The following ORC1 variants were observed in gnomAD, a reference collection of about 807,000 sequenced individuals.
ORC1 encodes origin recognition complex, subunit 1 homolog.
Under a neutral mutation model 98.9 loss-of-function variants are expected in ORC1, and 61 were observed. That is an observed-to-expected ratio of 0.62 (90% confidence interval 0.50 to 0.76). The LOEUF (loss-of-function observed/expected upper bound fraction) is 0.76. Among genes scored for constraint, ORC1 ranks in the 30% least tolerant of loss-of-function variants. The pLI, the probability that ORC1 is intolerant of heterozygous loss-of-function variation, is 0.00. For missense variants in ORC1, 979 were observed against 1,072.2 expected (o/e 0.91, Z 1.21); for synonymous variants, 385 against 406.9 (o/e 0.95, Z 0.65).
Position 52,397,862 on chromosome 1 carries a change from G to A in ORC1, c.225C>T (p.Asp75=), listed in dbSNP as rs1304767804. The A allele has an allele frequency of 1.2e-6, 2 of 1,614,142 alleles. No homozygotes were observed. The highest frequency in any genetic ancestry group is 8.5e-7 in the Non-Finnish European group (1 of 1,179,968). ...VAKLLELFED[D]SDPPPKKRAR... is the part of the protein sequence containing the mutation. ...CACGTTTCTTAGGAGGAGGATCAGAGTCTAGAAAGAATTTGGTGGAAAGGG... is the reference window on the plus strand; with the variant it reads ...CACGTTTCTTAGGAGGAGGATCAGAATCTAGAAAGAATTTGGTGGAAAGGG... The change falls in exon 4 of 17, where the codon GAC becomes GAT. Residue 75 remains aspartate (D), a splice_region_variant and synonymous_variant. Coordinates refer to ENST00000371568, the MANE Select transcript of ORC1 (RefSeq NM_004153.4).
intron 6 of ORC1, among the ~76,000 whole-genome samples, chr1:52,389,641 A>T (rs1647185197): frequency 6.6e-6 from 1 of 152,166 alleles, no homozygotes; most frequent in African/African-American, 2.4e-5. Flanking sequence ...GCATGCATGA[A>T]TTTATTATCC....
At chr1:52,392,786 C>T (rs1001698936) in intron 6 of ORC1, among the ~76,000 whole-genome samples, 3 of 152,128 alleles carry the variant, frequency 2.0e-5, no homozygotes, top group Non-Finnish European at 4.4e-5. Context: ...GACCATTATT[C>T]TAAGTGAAGT....
At chr1:52,402,018 C>A (rs959746905) in intron 2 of ORC1, 111 bp downstream of exon 2, 3 of 830,714 alleles carry the variant, frequency 3.6e-6, no homozygotes, top group African/African-American at 1.7e-5. Context: ...CAGTTCTAAT[C>A]TCCTGTTCAT....
chr1:52,376,980 G>A (rs1483435723), intron 14 of ORC1, among the ~76,000 whole-genome samples: 4 of 152,102 alleles, frequency 2.6e-5, no homozygotes, highest in African/African-American at 7.2e-5. Flanking sequence ...ACTTGACCTT[G>A]GTGCTAGGTG....
chr1:52,405,671 G>C (rs1233768228), upstream of ORC1: 5 of 1,612,066 alleles, frequency 3.1e-6, no homozygotes, highest in African/African-American at 4.0e-5. Flanking sequence ...TATTGTTTTT[G>C]TTTTTTAGCT....
At chr1:52,395,993 C>T in intron 5 of ORC1, 53 bp downstream of exon 5, 2 of 1,612,302 alleles carry the variant, frequency 1.2e-6, no homozygotes, top group Non-Finnish European at 1.7e-6. Flanking sequence ...TCATTTTTAT[C>T]ACATAACCCT....
intron 2 of ORC1, among the ~76,000 whole-genome samples, chr1:52,401,707 A>T (rs1647716019): frequency 6.6e-6 from 1 of 152,200 alleles, no homozygotes; most frequent in Admixed American, 6.5e-5. Flanking sequence ...TCTTATTAGG[A>T]ACCCTAATTC....
intron 4 of ORC1, among the ~76,000 whole-genome samples, 177 bp from the exon 5 acceptor site, chr1:52,396,541 T>C (rs577994262): frequency 6.6e-6 from 1 of 152,320 alleles, no homozygotes; most frequent in South Asian, 2.1e-4. Flanking sequence ...CACATAATAA[T>C]GAATATTTAC....
intron 3 of ORC1, among the ~76,000 whole-genome samples, chr1:52,399,549 G>A (rs181273792): frequency 1.1e-3 from 164 of 148,824 alleles, no homozygotes; most frequent in African/African-American, 3.6e-3. Context: ...GCTTGAACCC[G>A]GGAGGCAGAG....
intron 14 of ORC1, among the ~76,000 whole-genome samples, chr1:52,377,446 T>C (rs902938809): frequency 6.6e-6 from 1 of 152,078 alleles, no homozygotes. Flanking sequence ...GGCTAATTTT[T>C]AAATTTTTTG....
chr1:52,402,353 C>T (rs1647753420), intron 1 of ORC1, 125 bp from the exon 2 acceptor site: 1 of 746,782 alleles, frequency 1.3e-6, no homozygotes, highest in South Asian at 1.5e-5. Flanking sequence ...CTGCTACACT[C>T]CCATACATTT....
At chr1:52,387,385 T>C (rs1424984617) in intron 8 of ORC1, among the ~76,000 whole-genome samples, 1 of 152,174 alleles carries the variant, frequency 6.6e-6, no homozygotes, top group African/African-American at 2.4e-5. Flanking sequence ...CGTAGAAAGT[T>C]TGTCTTCCAC....
Position 52,388,490 on chromosome 1 carries a change from A to G in ORC1, c.1335T>C (p.Ser445=). Residue 445 remains serine (S), a synonymous_variant, in exon 8 of 17, where the codon TCT becomes TCC. Coordinates refer to ENST00000371568, the MANE Select transcript of ORC1 (RefSeq NM_004153.4). Reference sequence around the variant, plus strand: ...GGGTATGTAAGGATGACTTCAAGGAAGATCGCAGGTTCCTGGACACAGTTC... The same window carrying G: ...GGGTATGTAAGGATGACTTCAAGGAGGATCGCAGGTTCCTGGACACAGTTC... ...APRTVSRNLR[S]SLKSSLHTLT... 1 of 1,614,186 alleles carries G rather than the reference A, an allele frequency of 6.2e-7. No individual in the cohort carries two copies. The highest frequency in any genetic ancestry group is 8.5e-7 in the Non-Finnish European group (1 of 1,180,026).
rs1647175165 is a variant in ORC1 at position 52,388,650 on chromosome 1, G to A, written c.1188-13C>T. 1.9e-6 allele frequency: 3 copies of A among 1,607,488 alleles called. No homozygotes were observed. Among genetic ancestry groups the A allele is most frequent in the Non-Finnish European group, 2.6e-6 (3 of 1,174,694 alleles). On this transcript the variant is annotated splice_polypyrimidine_tract_variant and intron_variant, in intron 7 of 16. Coordinates refer to ENST00000371568, the MANE Select transcript of ORC1 (RefSeq NM_004153.4). ...ATTACCTAGAAACCTGAATGGTAGG[G>A]ACATATTTTTTGATACTCAGTGTTC...
At chr1:52,396,426 C>T in intron 4 of ORC1, 62 bp from the exon 5 acceptor site, 2 of 1,603,456 alleles carry the variant, frequency 1.2e-6, no homozygotes, top group Admixed American at 1.7e-5. Flanking sequence ...AAGGAGTATT[C>T]CATCAGAGCT....
chr1:52,384,621 G>A lies in ORC1; in HGVS notation c.1684C>T (p.Pro562Ser). The A allele has an allele frequency of 6.2e-7, 1 of 1,614,054 alleles. No individual in the cohort carries two copies. Among genetic ancestry groups the A allele is most frequent in the Non-Finnish European group, 8.5e-7 (1 of 1,179,936 alleles). The change falls in exon 11 of 17, where the codon CCC becomes TCC. Residue 562 changes from proline to serine, a missense_variant. Transcript: ENST00000371568. ...QQAAQANDVPPFQYIEVNGMK... is the reference protein window; with the variant it reads ...QQAAQANDVPSFQYIEVNGMK... ...CCATTGACCTCAATGTATTGAAAGG[G>A]AGGAACATCATTGGCTTGGGCTGCC... is the stretch of plus-strand genomic sequence containing the variant.
upstream of ORC1, chr1:52,408,862 T>C: frequency 1.4e-6 from 1 of 701,744 alleles, no homozygotes; most frequent in Non-Finnish European, 2.2e-6. Context: ...GTCTGACTAC[T>C]AGCTTCGTGT....
At chr1:52,402,548 T>A (rs902240131) in intron 1 of ORC1, among the ~76,000 whole-genome samples, 1 of 152,162 alleles carries the variant, frequency 6.6e-6, no homozygotes, top group African/African-American at 2.4e-5. Context: ...GAACAATAGG[T>A]GTAAAACATC....
In ORC1 at chr1:52,391,099, A is replaced by AGGAGTTC. The variant is rs571233235; in HGVS notation, c.1083-1785_1083-1779dup. On this transcript the variant is annotated intron_variant, in intron 6 of 16. Transcript: ENST00000371568. ...GCTGAGGCAGGTGGATCACAAGGTC[A>AGGAGTTC]GGAGTTCGAGACCAGCCTGGCCAAT... is the stretch of plus-strand genomic sequence containing the variant. 5.9e-3 allele frequency among the ~76,000 whole-genome samples: 893 copies of AGGAGTTC among 151,822 alleles called. 3 individuals carry two copies. Among genetic ancestry groups the AGGAGTTC allele is most frequent in the Non-Finnish European group, 8.1e-3 (548 of 67,898 alleles).
Sources: gnomAD v4.1 joint callset for allele counts (sites outside exome capture counted in the v4.1 genomes callset) on GRCh38, gnomAD v4.1.1 for gene constraint, MANE v1.5 for transcripts, NCBI Gene and HGNC (gene_info 2026-07-23, HGNC 2026-07-21) for gene names.